The following EYA4 variants were observed in gnomAD, a reference collection of about 807,000 sequenced individuals.
EYA4 encodes the protein EYA transcriptional coactivator and phosphatase 4, also known as protein phosphatase EYA4.
Under a neutral mutation model 87.9 loss-of-function variants are expected in EYA4, and 31 were observed. The observed-to-expected ratio is 0.35, with a 90% confidence interval of 0.27 to 0.48. EYA4 has a LOEUF of 0.48. EYA4 is among the 20% of genes least tolerant of loss of function. The pLI is 0.99. For synonymous variants in EYA4, 263 were observed against 270.6 expected (o/e 0.97, Z 0.28); for missense variants, 678 against 761.4 (o/e 0.89, Z 1.29).
intron 13 of EYA4, among the ~76,000 whole-genome samples, chr6:133,502,072 A>ACTCT (rs767862152): frequency 8.3e-6 from 1 of 120,000 alleles, no homozygotes; most frequent in African/African-American, 3.1e-5. Context: ...TCTCTCTCTC[A>ACTCT]CTCTCTCTCT....
intron 2 of EYA4, among the ~76,000 whole-genome samples, chr6:133,299,715 AAAATAAAAT>A (rs1457224406): frequency 3.8e-5 from 1 of 26,452 alleles, no homozygotes; most frequent in Non-Finnish European, 8.0e-5. Flanking sequence ...CTGTCTCAAA[AAAATAAAAT>A]AAAATAAAAT....
intron 2 of EYA4, among the ~76,000 whole-genome samples, chr6:133,275,482 C>T (rs1281363381): frequency 3.3e-5 from 5 of 151,740 alleles, no homozygotes; most frequent in Non-Finnish European, 7.4e-5. Context: ...ACGGACAACT[C>T]ATGATGTTAC....
chr6:133,362,124 G>T (rs946158660), intron 2 of EYA4, among the ~76,000 whole-genome samples: 3 of 152,194 alleles, frequency 2.0e-5, no homozygotes, highest in African/African-American at 7.2e-5. Context: ...TGTAATACTT[G>T]TTCAGAAAGT....
At chr6:133,525,825 T>C (rs1242403200) in intron 19 of EYA4, 1 of 845,198 alleles carries the variant, frequency 1.2e-6, no homozygotes, top group Non-Finnish European at 1.4e-6. Flanking sequence ...GAAAAACTGC[T>C]ACAAGAGATT....
intron 2 of EYA4, among the ~76,000 whole-genome samples, chr6:133,299,252 G>A (rs1779178366): frequency 6.6e-6 from 1 of 152,130 alleles, no homozygotes; most frequent in South Asian, 2.1e-4. Context: ...CAGTTTTAAT[G>A]CAGACAAAAA....
chr6:133,400,954 T>C (rs975049353), intron 3 of EYA4, among the ~76,000 whole-genome samples: 1 of 152,194 alleles, frequency 6.6e-6, no homozygotes, highest in Non-Finnish European at 1.5e-5. Context: ...GCTCAAGGTT[T>C]CCTATTTTCT....
At chr6:133,512,142 G>A (rs1220755748) in intron 14 of EYA4, among the ~76,000 whole-genome samples, 1 of 152,108 alleles carries the variant, frequency 6.6e-6, no homozygotes, top group East Asian at 1.9e-4. Context: ...AAAAGAAAAT[G>A]TCAATATCTA....
intron 2 of EYA4, among the ~76,000 whole-genome samples, chr6:133,300,857 G>A (rs1022843266): frequency 6.6e-6 from 1 of 152,186 alleles, no homozygotes. Context: ...CTCATGAAGT[G>A]TCTTTTATAA....
In EYA4 at chr6:133,481,020, A is replaced by G. The variant is rs113193957; in HGVS notation, c.971-443A>G. On this transcript the variant is annotated intron_variant, in intron 11 of 19. Coordinates refer to ENST00000355286, the MANE Select transcript of EYA4 (RefSeq NM_004100.5). ...GATGGGAGAGGTGGAAGGGAAGATG[A>G]GAGAGGTGGAAGGGAAGATGAGAGA... Among the ~76,000 whole-genome samples the G allele has an allele frequency of 5.4e-3, 778 of 143,342 alleles. 3 individuals carry two copies. Among genetic ancestry groups the G allele is most frequent in the African/African-American group, 0.016 (577 of 36,638 alleles). 94.0% of individuals were successfully genotyped at this position (143,342 alleles called of 152,430 possible).
intron 14 of EYA4, among the ~76,000 whole-genome samples, chr6:133,506,990 T>C (rs1798691564): frequency 6.6e-6 from 1 of 151,610 alleles, no homozygotes; most frequent in Non-Finnish European, 1.5e-5. Context: ...GAGATTTCTC[T>C]TTCATTTTTT....
At chr6:133,341,831 ATAGT>A (rs143460709) in intron 2 of EYA4, among the ~76,000 whole-genome samples, 14,285 of 152,204 alleles carry the variant, frequency 0.094, 769 homozygotes, top group South Asian at 0.13. Flanking sequence ...AACAAGTGAA[ATAGT>A]TAGTGTGGAA....
intron 2 of EYA4, among the ~76,000 whole-genome samples, chr6:133,294,062 T>TATATATATATATATATATATAGAA (rs71003632): frequency 9.5e-6 from 1 of 105,162 alleles, no homozygotes; most frequent in Non-Finnish European, 2.1e-5. Flanking sequence ...TATATATATA[T>TATATATATATATATATATATAGAA]AATTCTATTC....
chr6:133,329,795 TA>T (rs1471413549), intron 2 of EYA4, among the ~76,000 whole-genome samples: 1 of 152,122 alleles, frequency 6.6e-6, no homozygotes, highest in Non-Finnish European at 1.5e-5. Context: ...TACTCACATA[TA>T]AATTGGCATG....
At chr6:133,382,942 G>T (rs1478583914) in intron 3 of EYA4, among the ~76,000 whole-genome samples, 1 of 152,166 alleles carries the variant, frequency 6.6e-6, no homozygotes, top group African/African-American at 2.4e-5. Flanking sequence ...GAATTAAAGT[G>T]GTGAGGCCAC....
At chr6:133,249,114 G>T (rs997425752) in intron 1 of EYA4, among the ~76,000 whole-genome samples, 3 of 152,118 alleles carry the variant, frequency 2.0e-5, no homozygotes, top group Admixed American at 2.0e-4. Flanking sequence ...ATTAGAGTGG[G>T]ATGGATAGAT....
intron 3 of EYA4, among the ~76,000 whole-genome samples, chr6:133,398,230 G>A (rs1162698790): frequency 6.6e-6 from 1 of 152,216 alleles, no homozygotes; most frequent in African/African-American, 2.4e-5. Context: ...TGACCAAACT[G>A]GTTTTGCAAA....
At chr6:133,361,354 G>A (rs1440993439) in intron 2 of EYA4, among the ~76,000 whole-genome samples, 2 of 152,146 alleles carry the variant, frequency 1.3e-5, no homozygotes, top group East Asian at 3.9e-4. Context: ...ATTCAGGGTC[G>A]TTTGCTGCAA....
chr6:133,333,507 A>G (rs1782137770), intron 2 of EYA4, among the ~76,000 whole-genome samples: 2 of 152,198 alleles, frequency 1.3e-5, no homozygotes, highest in Admixed American at 1.3e-4. Flanking sequence ...ATAATCAATC[A>G]ATAGTTGCCT....
chr6:133,257,808 A>T (rs1205094481), intron 1 of EYA4, among the ~76,000 whole-genome samples: 1 of 152,114 alleles, frequency 6.6e-6, no homozygotes, highest in Non-Finnish European at 1.5e-5. Flanking sequence ...ATTTCCTGAC[A>T]TGTGCTTTAG....
Sources: gnomAD v4.1 joint callset for allele counts (sites outside exome capture counted in the v4.1 genomes callset) on GRCh38, gnomAD v4.1.1 for gene constraint, MANE v1.5 for transcripts, NCBI Gene and HGNC (gene_info 2026-07-23, HGNC 2026-07-21) for gene names.